Variants in MTA3 observed in about 807,000 individuals in gnomAD.
MTA3 encodes the protein metastasis-associated protein MTA3.
Under a neutral mutation model 83.5 loss-of-function variants are expected in MTA3, and 34 were observed. The observed-to-expected ratio is 0.41, with a 90% CI of 0.31 to 0.54. The LOEUF (loss-of-function observed/expected upper bound fraction) is 0.54, where lower values mean the gene tolerates loss of function less well. Ranked by LOEUF, MTA3 falls within the 20% of genes least tolerant of loss-of-function variation. The pLI is 0.33. For synonymous variants in MTA3, 303 were observed against 252.7 expected (o/e 1.20, Z -1.89); for missense variants, 761 against 726.4 (o/e 1.05, Z -0.55).
At chr2:42,547,700 T>A (rs941753627) in intron 2 of MTA3, among the ~76,000 whole-genome samples, 1 of 152,238 alleles carries the variant, frequency 6.6e-6, no homozygotes, top group African/African-American at 2.4e-5. Context: ...TTAGCTATTG[T>A]TACAGGCGCA....
intron 14 of MTA3, among the ~76,000 whole-genome samples, chr2:42,712,328 C>T (rs1666691427): frequency 6.6e-6 from 1 of 151,880 alleles, no homozygotes. Context: ...GACGGTCTTG[C>T]TCTGTTGCCC....
intron 2 of MTA3, among the ~76,000 whole-genome samples, chr2:42,538,316 G>C (rs1458730719): frequency 1.3e-5 from 2 of 152,136 alleles, no homozygotes; most frequent in East Asian, 1.9e-4. Context: ...TGGCCAATCG[G>C]TAAGTATGGG....
At chr2:42,591,192 G>A (rs970204602) in intron 3 of MTA3, among the ~76,000 whole-genome samples, 2 of 152,166 alleles carry the variant, frequency 1.3e-5, no homozygotes, top group African/African-American at 4.8e-5. Context: ...ACATGTTATT[G>A]TATTGAATAC....
At chr2:42,598,224 C>T (rs1682083383) in intron 3 of MTA3, among the ~76,000 whole-genome samples, 1 of 152,048 alleles carries the variant, frequency 6.6e-6, no homozygotes, top group African/African-American at 2.4e-5. Flanking sequence ...TGCCACCACA[C>T]CCAGCTAATT....
At chr2:42,496,752 C>G (rs1249261828) in intron 2 of MTA3, among the ~76,000 whole-genome samples, 1 of 152,136 alleles carries the variant, frequency 6.6e-6, no homozygotes, top group Non-Finnish European at 1.5e-5. Flanking sequence ...TTTCTCATGT[C>G]AAACTCTGCT....
chr2:42,755,487 G>C lies in MTA3; in HGVS notation c.*2088G>C, dbSNP rs565854266. ...GAAAAGCGCAGCTTGTTCGAGCCAC[G>C]TGTGCCAAGCAGGCTTTTCCTTCCT... On this transcript the variant is annotated 3_prime_UTR_variant, in exon 17 of 17. Coordinates refer to ENST00000405094, the MANE Select transcript of MTA3 (RefSeq NM_001330442.2). 1 of 985,506 alleles carries C rather than the reference G, an allele frequency of 1.0e-6. No individual in the cohort carries two copies. Among genetic ancestry groups the C allele is most frequent in the South Asian group, 4.7e-5 (1 of 21,290 alleles). The allele number at this position is 985,506 out of a possible 1,614,324, so 61.0% of individuals were successfully genotyped here. A position where few individuals can be genotyped will look rare whatever the true frequency, so the allele number is the denominator to read the frequency against.
At chr2:42,572,516 C>T (rs916066140) in intron 2 of MTA3, among the ~76,000 whole-genome samples, 6 of 150,476 alleles carry the variant, frequency 4.0e-5, no homozygotes, top group African/African-American at 1.5e-4. Flanking sequence ...TCAAGGCTGC[C>T]GTGAGCTGTG....
chr2:42,538,118 A>G (rs759692778), intron 2 of MTA3, among the ~76,000 whole-genome samples: 11 of 152,186 alleles, frequency 7.2e-5, no homozygotes, highest in South Asian at 6.2e-4. Context: ...CTGTAGTCCC[A>G]GCTACTCAGG....
In MTA3 at chr2:42,737,458, C is replaced by T. The variant is rs188902918; in HGVS notation, c.1759+14423C>T. Among the ~76,000 whole-genome samples the T allele has an allele frequency of 1.1e-4, 17 of 152,294 alleles. No individual in the cohort carries two copies. The East Asian group carries it at 2.9e-3, about 26-fold the overall frequency. On this transcript the variant is annotated intron_variant, in intron 16 of 16. Coordinates refer to ENST00000405094, the MANE Select transcript of MTA3 (RefSeq NM_001330442.2). ...CACAATCACTGTGTTCTCCCTCCCT[C>T]TTCCCTTCCCTCTTCAGTGCCTGTT...
intron 4 of MTA3, among the ~76,000 whole-genome samples, chr2:42,623,999 C>T (rs978678092): frequency 6.6e-6 from 1 of 152,106 alleles, no homozygotes; most frequent in Non-Finnish European, 1.5e-5. Flanking sequence ...TAGGCTGAGC[C>T]ACTTCGCCCG....
At chr2:42,738,681 A>G (rs1319068246) in intron 16 of MTA3, among the ~76,000 whole-genome samples, 1 of 152,224 alleles carries the variant, frequency 6.6e-6, no homozygotes, top group Non-Finnish European at 1.5e-5. Context: ...GAACAGAGCC[A>G]TATTTCTCTT....
intron 16 of MTA3, among the ~76,000 whole-genome samples, chr2:42,732,099 C>T (rs945687062): frequency 1.6e-4 from 24 of 152,170 alleles, no homozygotes; most frequent in Admixed American, 1.3e-4. Flanking sequence ...GTGTGGAGGA[C>T]GGTGGCCCTC....
At chr2:42,574,037 C>T (rs916456659) in intron 2 of MTA3, among the ~76,000 whole-genome samples, 2 of 150,692 alleles carry the variant, frequency 1.3e-5, no homozygotes, top group Non-Finnish European at 2.9e-5. Flanking sequence ...GGGGTTTCAC[C>T]GTGTTAGCCA....
chr2:42,726,713 G>A (rs1667846891), intron 16 of MTA3, among the ~76,000 whole-genome samples: 1 of 152,186 alleles, frequency 6.6e-6, no homozygotes, highest in Non-Finnish European at 1.5e-5. Context: ...AAGATGGACA[G>A]CTTCTTATTT....
chr2:42,722,080 T>C (rs1667451324), intron 15 of MTA3, among the ~76,000 whole-genome samples: 1 of 152,144 alleles, frequency 6.6e-6, no homozygotes, highest in Admixed American at 6.5e-5. Flanking sequence ...GTGGCTTGTG[T>C]GTAGTTGGCC....
Position 42,704,162 on chromosome 2 carries a change from A to G in MTA3, c.1026-32A>G, listed in dbSNP as rs1558600735. ...AGCTTTTTGCCTTATTGTACAAATC[A>G]TTTTATCACCTTATTTTAATTTCAT... On this transcript the variant is annotated intron_variant, in intron 11 of 16. Transcript: ENST00000405094. 8 of 1,606,508 alleles carry G rather than the reference A, an allele frequency of 5.0e-6. No individual in the cohort carries two copies. In the African/African-American group the frequency reaches 6.7e-5, roughly 13 times the overall value.
chr2:42,503,921 CTTTT>C (rs34028665), intron 2 of MTA3, among the ~76,000 whole-genome samples: 2 of 111,256 alleles, frequency 1.8e-5, no homozygotes, highest in African/African-American at 3.4e-5. Flanking sequence ...GAACCACATT[CTTTT>C]TTTTTTTTTT....
chr2:42,701,070 T>C (rs748197106), intron 11 of MTA3, among the ~76,000 whole-genome samples: 1 of 151,990 alleles, frequency 6.6e-6, no homozygotes, highest in Non-Finnish European at 1.5e-5. Flanking sequence ...CGCACTCTAG[T>C]CTGGGCAACA....
intron 15 of MTA3, among the ~76,000 whole-genome samples, chr2:42,721,239 A>G (rs568426117): frequency 6.6e-6 from 1 of 152,178 alleles, no homozygotes; most frequent in Non-Finnish European, 1.5e-5. Context: ...AGGTAAGAAC[A>G]ATAAAACAAA....
Sources: gnomAD v4.1 joint callset for allele counts (sites outside exome capture counted in the v4.1 genomes callset) on GRCh38, gnomAD v4.1.1 for gene constraint, MANE v1.5 for transcripts, NCBI Gene and HGNC (gene_info 2026-07-23, HGNC 2026-07-21) for gene names.